KCNK2: variants seen among roughly 807,000 people sequenced by gnomAD.
KCNK2 encodes the protein potassium channel subfamily K member 2.
In KCNK2, 21 loss-of-function variants were observed where a neutral mutation model predicts 40.5. The observed-to-expected ratio is 0.52, with a 90% confidence interval of 0.37 to 0.75. KCNK2 has a LOEUF of 0.75. Among genes scored for constraint, KCNK2 ranks in the 30% least tolerant of loss-of-function variants. KCNK2 has a pLI of 0.00. For synonymous variants in KCNK2, 191 were observed against 202.2 expected (o/e 0.94, Z 0.47); for missense variants, 399 against 531.6 (o/e 0.75, Z 2.45).
At chr1:215,027,928 A>C (rs1657052905) in intron 1 of KCNK2, among the ~76,000 whole-genome samples, 1 of 152,226 alleles carries the variant, frequency 6.6e-6, no homozygotes, top group South Asian at 2.1e-4. Flanking sequence ...ACTAGCATTT[A>C]AAGTTAAATG....
At chr1:215,020,614 C>A (rs1054870263) in intron 1 of KCNK2, among the ~76,000 whole-genome samples, 1 of 152,024 alleles carries the variant, frequency 6.6e-6, no homozygotes, top group African/African-American at 2.4e-5. Context: ...TTAGTAGGCA[C>A]GAGATTTCAC....
chr1:215,202,543 C>T (rs1665122584), intron 6 of KCNK2, among the ~76,000 whole-genome samples: 1 of 152,156 alleles, frequency 6.6e-6, no homozygotes, highest in African/African-American at 2.4e-5. Flanking sequence ...AGAACCAAGA[C>T]CCTAATTATG....
chr1:215,185,670 C>G lies in KCNK2; in HGVS notation c.824-9283C>G, dbSNP rs370233129. 3.3e-5 allele frequency among the ~76,000 whole-genome samples: 5 copies of G among 152,228 alleles called. No homozygotes were observed. The East Asian group carries it at 9.7e-4, about 29-fold the overall frequency. On this transcript the variant is annotated intron_variant, in intron 5 of 6. Transcript: ENST00000444842. ...TTAGATGTCCTAAAGACAGTGTTCTCGCTTAATTTTGCTATTTTGCCAGGG... is the reference window on the plus strand; with the variant it reads ...TTAGATGTCCTAAAGACAGTGTTCTGGCTTAATTTTGCTATTTTGCCAGGG...
intron 1 of KCNK2, among the ~76,000 whole-genome samples, chr1:215,071,708 C>A (rs1024418889): frequency 6.6e-6 from 1 of 152,146 alleles, no homozygotes; most frequent in African/African-American, 2.4e-5. Context: ...TAAATTGCAT[C>A]ATCAAAATTT....
chr1:215,204,701 C>T (rs1297623686), intron 6 of KCNK2, among the ~76,000 whole-genome samples: 1 of 152,024 alleles, frequency 6.6e-6, no homozygotes, highest in Non-Finnish European at 1.5e-5. Context: ...TTGCTGAGAA[C>T]AGAAGAAAAT....
At chr1:215,221,374 A>C (rs1666167637) in intron 6 of KCNK2, among the ~76,000 whole-genome samples, 1 of 152,198 alleles carries the variant, frequency 6.6e-6, no homozygotes, top group Admixed American at 6.5e-5. Context: ...ACTCCATCTC[A>C]AAAGAAACAA....
intron 2 of KCNK2, among the ~76,000 whole-genome samples, chr1:215,109,566 TTGTG>T (rs138414671): frequency 2.0e-5 from 3 of 149,970 alleles, no homozygotes; most frequent in Non-Finnish European, 4.5e-5. Context: ...TGAGTATTAT[TTGTG>T]TGTGTGTGTG....
rs1488377653 is a variant in KCNK2 at position 215,209,958 on chromosome 1, T to A, written c.963+14866T>A. On this transcript the variant is annotated intron_variant, in intron 6 of 6. Transcript: ENST00000444842. ...CATGAAGCTTCAAAATAGGAAAATA[T>A]ATTTTATATATATTATATATATTAT... Among the ~76,000 whole-genome samples the A allele has an allele frequency of 5.7e-5, 6 of 105,876 alleles. No homozygotes were observed. The Admixed American group carries it at 6.9e-4, about 12-fold the overall frequency. The allele number at this position is 105,876 out of a possible 152,430, so 69.5% of individuals were successfully genotyped here.
intron 2 of KCNK2, among the ~76,000 whole-genome samples, chr1:215,116,011 A>G (rs1558098184): frequency 1.3e-5 from 2 of 151,360 alleles, no homozygotes; most frequent in Non-Finnish European, 2.9e-5. Context: ...GGCTCAAAGG[A>G]AAAAGAATTT....
rs372299697 is a variant in KCNK2, at chr1:215,066,263, A to G, written c.35-20105A>G. On this transcript the variant is annotated intron_variant, in intron 1 of 6. Transcript: ENST00000391895. ...CATGTACCCCAGAACTTAAAGTACA[A>G]TAAAAAAAGATATAACTGATATTCA... 8.5e-5 allele frequency among the ~76,000 whole-genome samples: 13 copies of G among 152,314 alleles called. No individual in the cohort carries two copies. In the East Asian group the frequency reaches 2.5e-3, roughly 29 times the overall value.
chr1:215,083,109 G>T lies in KCNK2; in HGVS notation c.-277G>T, dbSNP rs1337893215. ...AGCAGGCGCGCGCGGGGGCGGCGGC[G>T]CCCAAGCCCAACTTGGCCTCCGCCT... On this transcript the variant is annotated 5_prime_UTR_variant, in exon 1 of 7. Transcript: ENST00000444842. 4 of 535,836 alleles carry T rather than the reference G, an allele frequency of 7.5e-6. No homozygotes were observed. Among genetic ancestry groups the T allele is most frequent in the Non-Finnish European group, 1.2e-5 (4 of 320,794 alleles). 33.2% of individuals were successfully genotyped at this position (535,836 alleles called of 1,614,324 possible).
intron 1 of KCNK2, among the ~76,000 whole-genome samples, chr1:215,038,864 T>A (rs1657470640): frequency 6.6e-6 from 1 of 152,098 alleles, no homozygotes; most frequent in African/African-American, 2.4e-5. Flanking sequence ...TCTCTCTCTC[T>A]TCTAAGGTCA....
chr1:215,015,820 A>G (rs931546979), intron 1 of KCNK2, among the ~76,000 whole-genome samples: 2 of 152,138 alleles, frequency 1.3e-5, no homozygotes, highest in African/African-American at 2.4e-5. Context: ...GACTGAAACG[A>G]TAATACTGAG....
At chr1:215,087,533 A>G (rs1217475050) in intron 2 of KCNK2, among the ~76,000 whole-genome samples, 1 of 152,210 alleles carries the variant, frequency 6.6e-6, no homozygotes, top group Admixed American at 6.5e-5. Flanking sequence ...GATCTTAGTG[A>G]AGAAGAAAAC....
intron 1 of KCNK2, among the ~76,000 whole-genome samples, chr1:215,061,601 ACTT>A (rs1347403300): frequency 1.3e-5 from 2 of 152,168 alleles, no homozygotes; most frequent in East Asian, 3.8e-4. Flanking sequence ...TTAAAAAGAA[ACTT>A]CTGATAGTCT....
intron 3 of KCNK2, among the ~76,000 whole-genome samples, chr1:215,150,703 A>T (rs1662649831): frequency 6.6e-6 from 1 of 151,968 alleles, no homozygotes; most frequent in Non-Finnish European, 1.5e-5. Context: ...CCATATTTTA[A>T]TCATGCATTC....
rs143822527 is a variant in KCNK2, at chr1:215,154,085, T to C, written c.476-15114T>C. On this transcript the variant is annotated intron_variant, in intron 3 of 6. Transcript: ENST00000444842. The stretch of plus-strand genomic sequence containing the variant: ...TGCAAGTGTCTTTATAGTAGAATGA[T>C]TTATATTCCTTTGGATATATACCCA... Among the ~76,000 whole-genome samples, 252 of 152,316 alleles carry C rather than the reference T, an allele frequency of 1.7e-3. 1 individual carries two copies. The highest frequency in any genetic ancestry group is 6.0e-3 in the African/African-American group (248 of 41,562).
At chr1:215,131,619 G>A (rs912006607) in intron 3 of KCNK2, among the ~76,000 whole-genome samples, 10 of 150,674 alleles carry the variant, frequency 6.6e-5, no homozygotes, top group Non-Finnish European at 1.5e-5. Flanking sequence ...CAATGTCAGG[G>A]TTAGGAGTTG....
At chr1:215,009,567 G>T (rs1656305607) in intron 1 of KCNK2, among the ~76,000 whole-genome samples, 1 of 151,716 alleles carries the variant, frequency 6.6e-6, no homozygotes, top group Admixed American at 6.6e-5. Flanking sequence ...CAATGAAAAT[G>T]GTTATGGAGT....
Sources: gnomAD v4.1 joint callset for allele counts (sites outside exome capture counted in the v4.1 genomes callset) on GRCh38, gnomAD v4.1.1 for gene constraint, MANE v1.5 for transcripts, NCBI Gene and HGNC (gene_info 2026-07-23, HGNC 2026-07-21) for gene names.